Variants in CSGALNACT2 observed in about 807,000 individuals in gnomAD.
The protein encoded by CSGALNACT2 is beta 4 GalNAcT-2.
CSGALNACT2 carries 35 observed loss-of-function variants against 55.3 expected under a neutral mutation model. The observed-to-expected ratio is 0.63, with a 90% confidence interval of 0.48 to 0.84. The LOEUF is 0.84. Ranked by LOEUF, CSGALNACT2 falls within the 40% of genes least tolerant of loss-of-function variation. The pLI, the probability that CSGALNACT2 is intolerant of heterozygous loss-of-function variation, is 0.00. For synonymous variants in CSGALNACT2, 196 were observed against 224.9 expected, an observed-to-expected ratio of 0.87 and a Z score of 1.15; for missense variants, 544 against 657.5, an observed-to-expected ratio of 0.83 and a Z score of 1.89.
intron 1 of CSGALNACT2, among the ~76,000 whole-genome samples, chr10:43,147,188 G>C (rs1171760424): frequency 6.6e-6 from 1 of 151,400 alleles, no homozygotes; most frequent in African/African-American, 2.4e-5. Flanking sequence ...TTTTAGCCGG[G>C]ATGGTCTCGA....
chr10:43,182,886 C>G (rs111901684), intron 7 of CSGALNACT2, among the ~76,000 whole-genome samples: 1 of 146,372 alleles, frequency 6.8e-6, no homozygotes, highest in Non-Finnish European at 1.5e-5. Context: ...AAAAAAAAAA[C>G]AAAAAAAAAA....
At chr10:43,171,423 G>A (rs1426617290) in intron 6 of CSGALNACT2, among the ~76,000 whole-genome samples, 28 of 151,328 alleles carry the variant, frequency 1.9e-4, no homozygotes, top group Non-Finnish European at 1.5e-5. Context: ...CATGATCTTG[G>A]CTCACTGGAA....
At chr10:43,151,613 A>T (rs929337646) in intron 1 of CSGALNACT2, among the ~76,000 whole-genome samples, 1 of 152,072 alleles carries the variant, frequency 6.6e-6, no homozygotes, top group Non-Finnish European at 1.5e-5. Flanking sequence ...TGCTCTGCCA[A>T]ATACCCATGG....
At chr10:43,162,675 G>T (rs556902928) in intron 4 of CSGALNACT2, 10 of 985,302 alleles carry the variant, frequency 1.0e-5, no homozygotes, top group South Asian at 9.4e-5. Context: ...TTACTTTTTT[G>T]ATTAGGCTGC....
chr10:43,166,766 C>T (rs537988967), intron 5 of CSGALNACT2, among the ~76,000 whole-genome samples: 14 of 152,266 alleles, frequency 9.2e-5, no homozygotes, highest in African/African-American at 2.4e-4. Flanking sequence ...AGGGAATAAA[C>T]GTGAAGCACC....
chr10:43,141,648 A>G (rs947024274), intron 1 of CSGALNACT2, among the ~76,000 whole-genome samples: 23 of 151,400 alleles, frequency 1.5e-4, no homozygotes, highest in South Asian at 2.1e-4. Flanking sequence ...AAAAAAAAAA[A>G]AAAGAAAGTG....
At chr10:43,173,641 CA>C (rs1473510958) in intron 6 of CSGALNACT2, among the ~76,000 whole-genome samples, 1 of 151,910 alleles carries the variant, frequency 6.6e-6, no homozygotes, top group Non-Finnish European at 1.5e-5. Context: ...GTAGAGATGT[CA>C]AAGTGGGTGT....
intron 1 of CSGALNACT2, among the ~76,000 whole-genome samples, chr10:43,138,859 T>A (rs1357150347): frequency 6.6e-6 from 1 of 152,210 alleles, no homozygotes; most frequent in Admixed American, 6.5e-5. Flanking sequence ...ATAAACTTTT[T>A]AATCAGTGGT....
intron 7 of CSGALNACT2, among the ~76,000 whole-genome samples, chr10:43,177,647 T>A (rs1246910194): frequency 6.6e-6 from 1 of 152,260 alleles, no homozygotes; most frequent in Non-Finnish European, 1.5e-5. Flanking sequence ...TTATACCACA[T>A]TTTGTTTCTC....
At chr10:43,176,962 G>C in intron 7 of CSGALNACT2, among the ~76,000 whole-genome samples, 1 of 152,046 alleles carries the variant, frequency 6.6e-6, no homozygotes, top group Non-Finnish European at 1.5e-5. Context: ...ATTCATTTAG[G>C]GCTAGCTACC....
At chr10:43,162,067 C>A (rs2133125829) in intron 4 of CSGALNACT2, 10 of 490,434 alleles carry the variant, frequency 2.0e-5, no homozygotes, top group South Asian at 1.2e-4. Context: ...GGGATTGTTA[C>A]AACCAAATTT....
At chr10:43,144,231 GT>G (rs1162705252) in intron 1 of CSGALNACT2, among the ~76,000 whole-genome samples, 1 of 152,204 alleles carries the variant, frequency 6.6e-6, no homozygotes, top group African/African-American at 2.4e-5. Context: ...AGTCTTCCAA[GT>G]TAGCTTGACA....
intron 1 of CSGALNACT2, among the ~76,000 whole-genome samples, chr10:43,141,784 T>C (rs1394670388): frequency 1.3e-5 from 2 of 150,550 alleles, no homozygotes; most frequent in African/African-American, 4.9e-5. Context: ...ATCGCGAAGG[T>C]AGGAGTGTCC....
chr10:43,144,201 C>T (rs1236501088), intron 1 of CSGALNACT2, among the ~76,000 whole-genome samples: 1 of 152,148 alleles, frequency 6.6e-6, no homozygotes, highest in Non-Finnish European at 1.5e-5. Flanking sequence ...TGGATTATAT[C>T]TTTCAGAGGG....
intron 6 of CSGALNACT2, among the ~76,000 whole-genome samples, chr10:43,172,507 C>G (rs545334722): frequency 5.9e-5 from 9 of 152,200 alleles, no homozygotes; most frequent in Non-Finnish European, 1.0e-4. Context: ...AGCTGTGCTG[C>G]AGTCGAGTGC....
In CSGALNACT2 at chr10:43,183,883, T is replaced by A. The variant is rs1839641902; in HGVS notation, c.*341T>A. ...TTGCATCTAGGTGGAGCGGATGGAA[T>A]GTGCTGGGCCACTGTTGGGTGGAGA... On this transcript the variant is annotated 3_prime_UTR_variant, in exon 8 of 8. Transcript: ENST00000374466. The A allele has an allele frequency of 6.3e-6, 2 of 315,304 alleles. No homozygotes were observed. Among genetic ancestry groups the A allele is most frequent in the Non-Finnish European group, 1.2e-5 (2 of 165,574 alleles). 19.5% of individuals were successfully genotyped at this position (315,304 alleles called of 1,614,324 possible).
intron 7 of CSGALNACT2, 60 bp downstream of exon 7, chr10:43,176,092 G>T: frequency 7.4e-7 from 1 of 1,353,264 alleles, no homozygotes; most frequent in Non-Finnish European, 1.0e-6. Flanking sequence ...ATGGTATTTT[G>T]CTAAAAGGTC....
intron 7 of CSGALNACT2, among the ~76,000 whole-genome samples, chr10:43,181,676 G>T (rs1310761423): frequency 6.6e-6 from 1 of 151,116 alleles, no homozygotes; most frequent in Non-Finnish European, 1.5e-5. Context: ...TACTAAGGAG[G>T]CTAAGGCAGA....
intron 1 of CSGALNACT2, among the ~76,000 whole-genome samples, chr10:43,141,240 C>T (rs962844795): frequency 4.6e-5 from 7 of 150,638 alleles, no homozygotes; most frequent in Non-Finnish European, 7.4e-5. Context: ...TTTTTTGAGA[C>T]GGAGTCTGGC....
Sources: allele counts gnomAD v4.1 joint callset (sites outside exome capture counted in the v4.1 genomes callset), GRCh38; gene constraint gnomAD v4.1.1; transcripts MANE v1.5; gene names NCBI Gene and HGNC (gene_info 2026-07-23, HGNC 2026-07-21).